The following HERC3 variants were observed in gnomAD, a reference collection of about 807,000 sequenced individuals.
HERC3 encodes the protein probable E3 ubiquitin-protein ligase HERC3.
In HERC3, 58 loss-of-function variants were observed where a neutral mutation model predicts 129.9. That is an observed-to-expected ratio of 0.45 (90% CI 0.36 to 0.56). The LOEUF is 0.56. HERC3 is among the 20% of genes least tolerant of loss of function. The pLI, the probability that HERC3 is intolerant of heterozygous loss-of-function variation, is 0.00. For missense variants in HERC3, 835 were observed against 1,244.2 expected (o/e 0.67, Z 4.95); for synonymous variants, 430 against 451.0 (o/e 0.95, Z 0.59).
Position 88,704,212 on chromosome 4 carries a change from C to T in HERC3, c.2772C>T (p.Leu924=), listed in dbSNP as rs1735566484. The T allele has an allele frequency of 6.2e-7, 1 of 1,614,086 alleles. No individual in the cohort carries two copies. Among genetic ancestry groups the T allele is most frequent in the Non-Finnish European group, 8.5e-7 (1 of 1,179,990 alleles). The change falls in exon 24 of 26, where the codon CTC becomes CTT. Residue 924 remains leucine (L), a synonymous_variant. Transcript: ENST00000402738. ...LKVCGGKVLE[L]FQPSELRAMM... is the part of the protein sequence containing the mutation. ...TGTGTGGTGGCAAAGTACTTGAGCTCTTCCAGCCTTCAGAACTGAGGGCTA... is the reference window on the plus strand; with the variant it reads ...TGTGTGGTGGCAAAGTACTTGAGCTTTTCCAGCCTTCAGAACTGAGGGCTA...
chr4:88,697,686 T>TGCCTCC (rs773030464), intron 23 of HERC3: 13 of 1,611,548 alleles, frequency 8.1e-6, no homozygotes, highest in South Asian at 4.4e-5. Flanking sequence ...TTACCTCCTC[T>TGCCTCC]GCCGCTGCCT....
At chr4:88,613,492 C>G (rs1165598753) in intron 3 of HERC3, among the ~76,000 whole-genome samples, 1 of 152,148 alleles carries the variant, frequency 6.6e-6, no homozygotes, top group Non-Finnish European at 1.5e-5. Context: ...GCTTCAATTC[C>G]CAAACTGTGC....
intron 23 of HERC3, chr4:88,697,811 G>C (rs1734809667): frequency 1.3e-6 from 2 of 1,527,824 alleles, no homozygotes; most frequent in Admixed American, 4.3e-5. Context: ...CTGCACCCGA[G>C]CTGGTCCAGA....
intron 3 of HERC3, among the ~76,000 whole-genome samples, chr4:88,641,937 T>C (rs936810592): frequency 3.3e-5 from 5 of 151,836 alleles, no homozygotes; most frequent in Non-Finnish European, 5.9e-5. Context: ...GGCCAACATA[T>C]TGTATTTTTA....
chr4:88,680,887 C>A, intron 20 of HERC3: 1 of 316,222 alleles, frequency 3.2e-6, no homozygotes, highest in Non-Finnish European at 4.6e-6. Context: ...TAGAATGTTT[C>A]TATAATGGCT....
chr4:88,670,238 C>A lies in HERC3; in HGVS notation c.1897C>A (p.His633Asn), dbSNP rs762980445. 39 of 1,605,070 alleles carry A rather than the reference C, an allele frequency of 2.4e-5. No individual in the cohort carries two copies. The highest frequency in any genetic ancestry group is 3.2e-5 in the Non-Finnish European group (37 of 1,172,096). The change falls in exon 16 of 26, where the codon CAT becomes AAT. Residue 633 changes from histidine (H) to asparagine (N), a missense_variant. By Grantham distance (68) the His-to-Asn change is moderately conservative. Coordinates refer to ENST00000402738, the MANE Select transcript of HERC3 (RefSeq NM_014606.3). ...GGAAGACTACCTCATGTGGTTCTTG[C>A]ATCAAGCAGGGATGGTAAGAATTCA... ...IQEDYLMWFLHQAGMKARPSI... is the reference protein window; with the variant it reads ...IQEDYLMWFLNQAGMKARPSI...
intron 3 of HERC3, among the ~76,000 whole-genome samples, chr4:88,622,512 T>C (rs1725648221): frequency 1.3e-5 from 2 of 152,336 alleles, no homozygotes; most frequent in South Asian, 4.1e-4. Flanking sequence ...GAAGTGGAAT[T>C]GTTGGGTTAT....
intron 3 of HERC3, among the ~76,000 whole-genome samples, chr4:88,622,605 G>A (rs978697494): frequency 6.6e-6 from 1 of 152,180 alleles, no homozygotes; most frequent in Non-Finnish European, 1.5e-5. Flanking sequence ...CTCACAAGAA[G>A]TGTATGAGGG....
intron 9 of HERC3, chr4:88,657,034 G>C (rs1729980235): frequency 6.6e-6 from 1 of 151,206 alleles, no homozygotes; most frequent in Non-Finnish European, 1.5e-5. Context: ...TAGCAGTCTT[G>C]GTTTCATTGG....
At position 88,668,052 on chromosome 4, in the gene HERC3, G is replaced by A. The variant is rs771572895; in HGVS notation, c.1604G>A (p.Arg535Gln). Residue 535 changes from arginine (R) to glutamine (Q), a missense_variant, in exon 14 of 26, where the codon CGG becomes CAG. Arg to Gln is a conservative substitution (Grantham distance 43). Coordinates refer to ENST00000402738, the MANE Select transcript of HERC3 (RefSeq NM_014606.3). ...ATTCCCTTGGCTATGGCCATTCTTC[G>A]GCTGGATACAAACCCCAGCAAAGTA... ...LTIPLAMAIL[R>Q]LDTNPSKVLD... 7 of 1,613,314 alleles carry A rather than the reference G, an allele frequency of 4.3e-6. No homozygotes were observed. The highest frequency in any genetic ancestry group is 1.1e-5 in the South Asian group (1 of 91,032).
intron 3 of HERC3, among the ~76,000 whole-genome samples, chr4:88,620,152 C>T (rs1725356129): frequency 1.3e-5 from 2 of 152,140 alleles, no homozygotes; most frequent in Admixed American, 6.5e-5. Context: ...GGCAAAATAA[C>T]AGAAATAGCT....
chr4:88,598,865 G>GA (rs1722682050), intron 2 of HERC3, among the ~76,000 whole-genome samples: 1 of 152,206 alleles, frequency 6.6e-6, no homozygotes. Flanking sequence ...GACATTGAGA[G>GA]AAAGTTGTAC....
intron 22 of HERC3, 102 bp from the exon 23 acceptor site, chr4:88,687,115 T>C (rs1342144573): frequency 3.6e-6 from 3 of 831,220 alleles, no homozygotes; most frequent in Admixed American, 2.6e-5. Context: ...GTAATAGTCA[T>C]GAAACTACAT....
At chr4:88,657,093 A>C (rs1324557031) in intron 9 of HERC3, 1 of 152,238 alleles carries the variant, frequency 6.6e-6, no homozygotes, top group Non-Finnish European at 1.5e-5. Context: ...TTCACCTTGA[A>C]ATAATAAATC....
the HERC3 span, among the ~76,000 whole-genome samples, chr4:88,568,217 G>A: frequency 2.0e-5 from 3 of 152,182 alleles, no homozygotes; most frequent in African/African-American, 4.8e-5. Context: ...ATGACCACTG[G>A]ATCAGACCTG....
At chr4:88,658,381 G>A (rs1285082157) in intron 9 of HERC3, 34 bp from the exon 10 acceptor site, 1 of 1,299,054 alleles carries the variant, frequency 7.7e-7, no homozygotes, top group Non-Finnish European at 1.1e-6. Flanking sequence ...TTCAATTAAT[G>A]AAAAATATGC....
chr4:88,608,182 C>T lies in HERC3; in HGVS notation c.226+2133C>T, dbSNP rs114782264. 4.8e-3 allele frequency among the ~76,000 whole-genome samples: 738 copies of T among 152,206 alleles called. 3 individuals carry two copies. The highest frequency in any genetic ancestry group is 0.017 in the African/African-American group (689 of 41,516). On this transcript the variant is annotated intron_variant, in intron 3 of 25. Transcript: ENST00000402738. ...CAAAATGTCAGTGTAAATTTATAATCGTTAATTTTTATGTTGCCCATTGGA... is the reference window on the plus strand; with the variant it reads ...CAAAATGTCAGTGTAAATTTATAATTGTTAATTTTTATGTTGCCCATTGGA...
At chr4:88,533,432 A>C in the HERC3 span, among the ~76,000 whole-genome samples, 1 of 152,154 alleles carries the variant, frequency 6.6e-6, no homozygotes, top group Non-Finnish European at 1.5e-5. Context: ...CCATCACACC[A>C]TGGAAAATTC....
At chr4:88,693,863 A>G (rs1269608117) in intron 23 of HERC3, among the ~76,000 whole-genome samples, 3 of 152,158 alleles carry the variant, frequency 2.0e-5, no homozygotes, top group African/African-American at 7.2e-5. Flanking sequence ...TTGGCCTATA[A>G]TAGGTTAAAA....
Sources: allele counts gnomAD v4.1 joint callset (sites outside exome capture counted in the v4.1 genomes callset), GRCh38; gene constraint gnomAD v4.1.1; transcripts MANE v1.5; gene names NCBI Gene and HGNC (gene_info 2026-07-23, HGNC 2026-07-21).